Variants in ARHGEF3 observed in about 807,000 individuals in gnomAD.
The protein encoded by ARHGEF3 is Rho guanine nucleotide exchange factor 3.
In ARHGEF3, 28 loss-of-function variants were observed where a neutral mutation model predicts 63.2. The ratio of observed to expected loss-of-function variants is 0.44; its 90% CI spans 0.33 to 0.61. ARHGEF3 has a LOEUF of 0.61. ARHGEF3 is among the 20% of genes least tolerant of loss of function. The pLI is 0.03. For missense variants in ARHGEF3, 533 were observed against 659.3 expected (o/e 0.81, Z 2.10); for synonymous variants, 266 against 254.2 (o/e 1.05, Z -0.44).
At chr3:57,016,774 C>A (rs1047786151) in intron 2 of ARHGEF3, among the ~76,000 whole-genome samples, 1 of 152,092 alleles carries the variant, frequency 6.6e-6, no homozygotes, top group East Asian at 1.9e-4. Context: ...TGGTCCCCCC[C>A]AGGTCTATTC....
intron 2 of ARHGEF3, among the ~76,000 whole-genome samples, chr3:57,015,542 T>TC (rs1221560727): frequency 1.4e-5 from 2 of 140,666 alleles, no homozygotes; most frequent in Non-Finnish European, 3.2e-5. Context: ...CAAGCTATCC[T>TC]CCCGCCTCAG....
intron 3 of ARHGEF3, among the ~76,000 whole-genome samples, chr3:56,892,622 C>T (rs2041160373): frequency 6.6e-6 from 1 of 152,170 alleles, no homozygotes; most frequent in Admixed American, 6.5e-5. Context: ...ATGTCCAAAT[C>T]ATTGTTTAAT....
chr3:56,953,777 T>C (rs956508359), intron 3 of ARHGEF3, among the ~76,000 whole-genome samples: 5 of 152,176 alleles, frequency 3.3e-5, no homozygotes, highest in African/African-American at 1.2e-4. Flanking sequence ...CCATTTATGG[T>C]CACCCTGTTC....
At chr3:56,907,665 C>T (rs1004651881) in intron 3 of ARHGEF3, among the ~76,000 whole-genome samples, 1 of 152,168 alleles carries the variant, frequency 6.6e-6, no homozygotes, top group Admixed American at 6.6e-5. Context: ...TGTACATATA[C>T]ACCATGGAAT....
intron 3 of ARHGEF3, among the ~76,000 whole-genome samples, chr3:56,944,037 A>G (rs1044069553): frequency 1.3e-5 from 2 of 150,602 alleles, no homozygotes; most frequent in Non-Finnish European, 3.0e-5. Flanking sequence ...TTAGCCAGGC[A>G]TGATGGCGGG....
At position 56,972,666 on chromosome 3, in the gene ARHGEF3, G is replaced by T. The variant is rs1700965065; in HGVS notation, c.63-13777C>A. ...GCAAAGTTCCTGGGGCACGGCTGAG[G>T]GGCAGCAAAACCAATATGGCTGGAG... On this transcript the variant is annotated intron_variant, in intron 2 of 12. Coordinates refer to the ARHGEF3 transcript ENST00000338458. Among the ~76,000 whole-genome samples, 4 of 151,936 alleles carry T rather than the reference G, an allele frequency of 2.6e-5. No individual in the cohort carries two copies. In the South Asian group the frequency reaches 8.3e-4, roughly 31 times the overall value.
At chr3:56,860,135 T>C (rs950426900) in intron 4 of ARHGEF3, among the ~76,000 whole-genome samples, 1 of 152,170 alleles carries the variant, frequency 6.6e-6, no homozygotes, top group African/African-American at 2.4e-5. Context: ...ATTTGCAACA[T>C]AAAAATCTAA....
intron 2 of ARHGEF3, among the ~76,000 whole-genome samples, chr3:57,034,336 T>G (rs1579134132): frequency 6.7e-6 from 1 of 148,578 alleles, no homozygotes; most frequent in Non-Finnish European, 1.5e-5. Flanking sequence ...GAAGAAATGG[T>G]GAGTCAAAGA....
chr3:56,778,476 C>T (rs569475012), intron 1 of ARHGEF3, among the ~76,000 whole-genome samples: 1 of 152,294 alleles, frequency 6.6e-6, no homozygotes, highest in South Asian at 2.1e-4. Context: ...ATAAGTGTGG[C>T]TATATCATAT....
At chr3:56,940,402 G>A (rs1206018588) in intron 3 of ARHGEF3, among the ~76,000 whole-genome samples, 2 of 152,068 alleles carry the variant, frequency 1.3e-5, no homozygotes, top group African/African-American at 4.8e-5. Context: ...AAATAAACAG[G>A]CATCTAGAAA....
intron 1 of ARHGEF3, among the ~76,000 whole-genome samples, chr3:56,775,948 G>A (rs749498745): frequency 2.0e-5 from 3 of 152,168 alleles, no homozygotes; most frequent in Non-Finnish European, 2.9e-5. Context: ...GCAGGACCTG[G>A]TCTCAGAGAA....
intron 7 of ARHGEF3, among the ~76,000 whole-genome samples, chr3:56,739,901 AT>A (rs11391206): frequency 1.9e-3 from 268 of 142,020 alleles, no homozygotes; most frequent in Middle Eastern, 7.2e-3. Flanking sequence ...AGTTTCAAAG[AT>A]TTTTTTTTTT....
upstream of ARHGEF3, among the ~76,000 whole-genome samples, chr3:56,803,950 T>C (rs1416231913): frequency 6.6e-6 from 1 of 151,604 alleles, no homozygotes; most frequent in Non-Finnish European, 1.5e-5. Context: ...AGTGGCATGA[T>C]CTTGGCTCAC....
intron 1 of ARHGEF3, among the ~76,000 whole-genome samples, chr3:57,049,087 G>T (rs1016625267): frequency 1.3e-5 from 2 of 152,196 alleles, no homozygotes; most frequent in Non-Finnish European, 2.9e-5. Flanking sequence ...TCCCTCCCAG[G>T]AGCCGGGCAC....
At chr3:56,957,217 T>C (rs771713147) in intron 3 of ARHGEF3, among the ~76,000 whole-genome samples, 1 of 152,234 alleles carries the variant, frequency 6.6e-6, no homozygotes, top group African/African-American at 2.4e-5. Flanking sequence ...CATTTCTCTT[T>C]GTACTCAATA....
chr3:56,913,566 A>C (rs566169307), intron 3 of ARHGEF3, among the ~76,000 whole-genome samples: 37 of 152,328 alleles, frequency 2.4e-4, no homozygotes, highest in Middle Eastern at 3.4e-3. Context: ...TGGGAATATA[A>C]AATGGAATAG....
chr3:56,808,304 A>T (rs916355256), intron 4 of ARHGEF3, among the ~76,000 whole-genome samples: 2 of 150,784 alleles, frequency 1.3e-5, no homozygotes, highest in African/African-American at 4.9e-5. Flanking sequence ...TAAATTAGCC[A>T]GTCACAGTGG....
chr3:57,060,697 C>G (rs1705174517), intron 1 of ARHGEF3: 1 of 152,308 alleles, frequency 6.6e-6, no homozygotes, highest in South Asian at 2.1e-4. Flanking sequence ...TGCAGGCTCA[C>G]CTTCCCCTCA....
intron 3 of ARHGEF3, among the ~76,000 whole-genome samples, chr3:56,950,127 A>C (rs1028581305): frequency 3.3e-5 from 5 of 152,072 alleles, no homozygotes; most frequent in Non-Finnish European, 7.3e-5. Flanking sequence ...TACAAAAATT[A>C]ATTCAAGATG....
Sources: allele counts gnomAD v4.1 joint callset (sites outside exome capture counted in the v4.1 genomes callset), GRCh38; gene constraint gnomAD v4.1.1; transcripts MANE v1.5; gene names NCBI Gene and HGNC (gene_info 2026-07-23, HGNC 2026-07-21).